The following ROBO1 variants were observed in gnomAD, a reference collection of about 807,000 sequenced individuals.
The protein encoded by ROBO1 is roundabout guidance receptor 1, also known as roundabout homolog 1.
A neutral mutation model predicts 195.9 loss-of-function variants in ROBO1; 149 were observed. The ratio of observed to expected loss-of-function variants is 0.76; its 90% CI spans 0.67 to 0.87. The LOEUF (loss-of-function observed/expected upper bound fraction) is 0.87, where lower values mean the gene tolerates loss of function less well. ROBO1 is among the 40% of genes least tolerant of loss of function. The probability of loss-of-function intolerance (pLI) is 0.00; values close to 1 mark genes in which losing one functional copy is unlikely to be tolerated. For synonymous variants in ROBO1, 816 were observed against 733.2 expected (o/e 1.11, Z -1.82); for missense variants, 1,933 against 2,068.3 (o/e 0.93, Z 1.27).
intron 2 of ROBO1, among the ~76,000 whole-genome samples, chr3:79,209,307 CA>C (rs2081929187): frequency 6.6e-6 from 1 of 152,160 alleles, no homozygotes; most frequent in African/African-American, 2.4e-5. Context: ...CAAGTTGCTG[CA>C]AAGGCCATTA....
intron 1 of ROBO1, among the ~76,000 whole-genome samples, chr3:79,633,676 T>A (rs1019345523): frequency 5.3e-5 from 8 of 152,066 alleles, no homozygotes; most frequent in African/African-American, 1.7e-4. Context: ...AAGGCTTGAT[T>A]CCTTGTTGTT....
In ROBO1 at chr3:78,614,740, CT is replaced by C. The variant is rs1704008362; in HGVS notation, c.4342del (p.Ser1448AlafsTer3). 1 of 1,612,774 alleles carries C rather than the reference CT, an allele frequency of 6.2e-7. No individual in the cohort carries two copies. On this transcript the variant is annotated frameshift_variant, in exon 28 of 31. Coordinates refer to ENST00000464233, the MANE Select transcript of ROBO1 (RefSeq NM_002941.4). LOFTEE classifies it high-confidence loss of function. ...CTGCATTACGGCGGCACTCATGTTG[CT>C]GTCTGTAGACACGGGACTTGTGGGC... is the stretch of plus-strand genomic sequence containing the variant. The part of the protein sequence containing the change: ...PRPTSPVSTD[S>X]NMSAAVMQKT...
At chr3:78,756,569 A>G (rs2108338226) in intron 4 of ROBO1, among the ~76,000 whole-genome samples, 1 of 152,308 alleles carries the variant, frequency 6.6e-6, no homozygotes, top group South Asian at 2.1e-4. Flanking sequence ...TGGTGATGGT[A>G]GCTAGTAAGA....
At chr3:79,476,461 A>G (rs1938551048) in intron 2 of ROBO1, among the ~76,000 whole-genome samples, 1 of 152,156 alleles carries the variant, frequency 6.6e-6, no homozygotes, top group African/African-American at 2.4e-5. Flanking sequence ...TTGCACACGC[A>G]TGTTTATAGC....
chr3:78,948,642 A>C (rs547443496), intron 3 of ROBO1, among the ~76,000 whole-genome samples: 6 of 152,164 alleles, frequency 3.9e-5, no homozygotes, highest in Non-Finnish European at 8.8e-5. Flanking sequence ...CCTATTCAAC[A>C]TAGTGTTGGA....
intron 3 of ROBO1, among the ~76,000 whole-genome samples, chr3:78,979,323 C>T (rs2076943857): frequency 6.6e-6 from 1 of 152,166 alleles, no homozygotes; most frequent in Non-Finnish European, 1.5e-5. Flanking sequence ...GGGCTTTTAT[C>T]TCACACTGTC....
intron 2 of ROBO1, among the ~76,000 whole-genome samples, chr3:79,252,032 A>C (rs1015146439): frequency 1.3e-5 from 2 of 152,050 alleles, no homozygotes; most frequent in Non-Finnish European, 2.9e-5. Context: ...GAAAAAAAAA[A>C]AAGAACAACC....
At chr3:79,669,054 G>T (rs936618862) in intron 1 of ROBO1, among the ~76,000 whole-genome samples, 11 of 151,914 alleles carry the variant, frequency 7.2e-5, no homozygotes, top group African/African-American at 2.4e-4. Flanking sequence ...ATATGGTTTG[G>T]CTCTGAGTCC....
chr3:79,603,386 AT>A (rs953375766), intron 1 of ROBO1, among the ~76,000 whole-genome samples: 29 of 151,822 alleles, frequency 1.9e-4, no homozygotes, highest in Non-Finnish European at 8.8e-5. Context: ...TGACACAACA[AT>A]ACCCCCCACA....
chr3:79,225,956 C>T (rs1389557752), intron 2 of ROBO1, among the ~76,000 whole-genome samples: 3 of 152,138 alleles, frequency 2.0e-5, no homozygotes, highest in Non-Finnish European at 4.4e-5. Flanking sequence ...GTCAAGCTCT[C>T]TCTCAGTCAC....
chr3:79,114,265 A>C (rs953196493), intron 3 of ROBO1, among the ~76,000 whole-genome samples: 13 of 152,222 alleles, frequency 8.5e-5, no homozygotes, highest in Admixed American at 3.3e-4. Context: ...GGAGATTTAA[A>C]TGTTAAAGAC....
intron 28 of ROBO1, among the ~76,000 whole-genome samples, chr3:78,611,712 T>TA (rs775591735): frequency 1.5e-4 from 23 of 152,220 alleles, no homozygotes; most frequent in Non-Finnish European, 2.6e-4. Flanking sequence ...TAACCCCCAG[T>TA]ACCTCAGAAT....
At chr3:79,536,068 TAC>T (rs1296999487) in intron 2 of ROBO1, among the ~76,000 whole-genome samples, 3 of 152,130 alleles carry the variant, frequency 2.0e-5, no homozygotes, top group Non-Finnish European at 4.4e-5. Context: ...TTTAAACCGC[TAC>T]ATAATATCTC....
chr3:78,717,141 C>T (rs2081921205), intron 7 of ROBO1, 134 bp downstream of exon 7: 2 of 871,188 alleles, frequency 2.3e-6, no homozygotes, highest in Non-Finnish European at 3.3e-6. Flanking sequence ...TTCTAATTAT[C>T]TCCAGTATTG....
At chr3:78,670,605 A>C in intron 10 of ROBO1, 2 of 268,162 alleles carry the variant, frequency 7.5e-6, no homozygotes, top group Non-Finnish European at 1.4e-5. Context: ...CAGAGACGTG[A>C]TCATGGAATA....
chr3:78,892,659 T>C (rs1292689305), intron 4 of ROBO1, among the ~76,000 whole-genome samples: 1 of 152,112 alleles, frequency 6.6e-6, no homozygotes, highest in Non-Finnish European at 1.5e-5. Context: ...TTTAAATCAG[T>C]TGGGATAAAA....
chr3:78,712,952 T>A (rs2081800973), intron 8 of ROBO1, among the ~76,000 whole-genome samples: 1 of 152,188 alleles, frequency 6.6e-6, no homozygotes, highest in Non-Finnish European at 1.5e-5. Flanking sequence ...AACCTCCTTA[T>A]CACAATTGCC....
intron 3 of ROBO1, among the ~76,000 whole-genome samples, chr3:78,970,543 C>G (rs1175778205): frequency 6.6e-6 from 1 of 152,134 alleles, no homozygotes; most frequent in Non-Finnish European, 1.5e-5. Flanking sequence ...TTAACTATCA[C>G]TTCCCCAAAT....
intron 5 of ROBO1, among the ~76,000 whole-genome samples, chr3:78,740,684 G>C (rs949398760): frequency 6.6e-6 from 1 of 151,914 alleles, no homozygotes; most frequent in African/African-American, 2.4e-5. Context: ...CTGTTGGTCA[G>C]GCTGGTCTTG....
Sources: gnomAD v4.1 joint callset for allele counts (sites outside exome capture counted in the v4.1 genomes callset) on GRCh38, gnomAD v4.1.1 for gene constraint, MANE v1.5 for transcripts, NCBI Gene and HGNC (gene_info 2026-07-23, HGNC 2026-07-21) for gene names.